The following GRIK3 variants were observed in gnomAD, a reference collection of about 807,000 sequenced individuals.
The protein encoded by GRIK3 is glutamate ionotropic receptor kainate type subunit 3.
A neutral mutation model predicts 102.5 loss-of-function variants in GRIK3; 29 were observed. The ratio of observed to expected loss-of-function variants is 0.28; its 90% CI spans 0.21 to 0.39. The LOEUF (loss-of-function observed/expected upper bound fraction) is 0.39, where lower values mean the gene tolerates loss of function less well. Among genes scored for constraint, GRIK3 ranks in the 10% least tolerant of loss-of-function variants. The probability of loss-of-function intolerance (pLI) is 1.00; values close to 1 mark genes in which losing one functional copy is unlikely to be tolerated. For synonymous variants in GRIK3, 511 were observed against 504.9 expected, an observed-to-expected ratio of 1.01 and a Z score of -0.16; for missense variants, 908 against 1,252.4, an observed-to-expected ratio of 0.73 and a Z score of 4.15.
intron 1 of GRIK3, among the ~76,000 whole-genome samples, chr1:37,004,116 A>T (rs944017163): frequency 6.6e-6 from 1 of 151,926 alleles, no homozygotes; most frequent in African/African-American, 2.4e-5. Context: ...GCCACCTTCT[A>T]AAAAAAACCC....
chr1:36,841,459 G>T (rs1640448064), intron 10 of GRIK3, among the ~76,000 whole-genome samples: 1 of 152,210 alleles, frequency 6.6e-6, no homozygotes, highest in Non-Finnish European at 1.5e-5. Flanking sequence ...GTTCATCAAA[G>T]ATGCCAGTGG....
chr1:36,803,314 G>A (rs1401050130), intron 15 of GRIK3, among the ~76,000 whole-genome samples: 2 of 152,196 alleles, frequency 1.3e-5, no homozygotes, highest in African/African-American at 2.4e-5. Flanking sequence ...GGACTGAACA[G>A]GAGTGGAGCA....
chr1:36,846,902 A>C (rs1640525425), intron 9 of GRIK3, among the ~76,000 whole-genome samples: 2 of 152,214 alleles, frequency 1.3e-5, no homozygotes, highest in Admixed American at 1.3e-4. Context: ...ACTTTCTTGG[A>C]AGCCCATGTA....
chr1:36,991,930 G>A (rs72653515), intron 1 of GRIK3, among the ~76,000 whole-genome samples: 23,383 of 152,204 alleles, frequency 0.15, 1,967 homozygotes, highest in South Asian at 0.22. Flanking sequence ...GGCAGAGCTG[G>A]TGTGGCCAGC....
chr1:36,979,742 A>G (rs1570841452), intron 1 of GRIK3, among the ~76,000 whole-genome samples: 2 of 152,204 alleles, frequency 1.3e-5, no homozygotes, highest in Non-Finnish European at 2.9e-5. Context: ...CATGAGGTGG[A>G]GTCAGGCCAG....
chr1:36,894,956 T>C (rs77951556), intron 1 of GRIK3, among the ~76,000 whole-genome samples: 1 of 151,820 alleles, frequency 6.6e-6, no homozygotes, highest in Non-Finnish European at 1.5e-5. Context: ...CCTGCTGGGG[T>C]TTCATGAGAG....
rs556862896 is a variant in GRIK3 at position 36,877,894 on chromosome 1, C to T, written c.550+2740G>A. On this transcript the variant is annotated intron_variant, in intron 3 of 15. Transcript: ENST00000373091. ...AATGTATATGCCATTTCATTCTTAGCTCTGATGGCCTAGAATTATGTGTGA... is the reference window on the plus strand; with the variant it reads ...AATGTATATGCCATTTCATTCTTAGTTCTGATGGCCTAGAATTATGTGTGA... Among the ~76,000 whole-genome samples, 28 of 152,348 alleles carry T rather than the reference C, an allele frequency of 1.8e-4. No individual in the cohort carries two copies. In the South Asian group the frequency reaches 3.7e-3, roughly 20 times the overall value.
intron 1 of GRIK3, among the ~76,000 whole-genome samples, chr1:36,966,451 G>C (rs1416022657): frequency 6.6e-6 from 1 of 152,174 alleles, no homozygotes; most frequent in Admixed American, 6.5e-5. Flanking sequence ...AGAGATGGCT[G>C]GGAGGTCAGC....
intron 1 of GRIK3, among the ~76,000 whole-genome samples, chr1:37,027,903 C>T (rs1333116527): frequency 1.3e-5 from 2 of 152,100 alleles, no homozygotes; most frequent in South Asian, 2.1e-4. Flanking sequence ...CTCTTGTAGA[C>T]GGAATGGTGG....
intron 1 of GRIK3, among the ~76,000 whole-genome samples, chr1:36,942,923 C>G (rs1641743497): frequency 6.6e-6 from 1 of 152,118 alleles, no homozygotes; most frequent in South Asian, 2.1e-4. Flanking sequence ...GTTTGGGGCT[C>G]ATTGCAGACT....
intron 1 of GRIK3, among the ~76,000 whole-genome samples, chr1:36,949,198 G>T (rs1255357835): frequency 1.3e-5 from 2 of 152,200 alleles, no homozygotes; most frequent in Non-Finnish European, 2.9e-5. Flanking sequence ...ACACAGACCT[G>T]GTTCCTTTCT....
chr1:36,952,970 T>C (rs72919535), intron 1 of GRIK3, among the ~76,000 whole-genome samples: 5,594 of 152,250 alleles, frequency 0.037, 252 homozygotes, highest in African/African-American at 0.11. Context: ...AGAATCAGCA[T>C]CACCATCAGG....
intron 7 of GRIK3, among the ~76,000 whole-genome samples, chr1:36,854,513 C>A (rs1013026802): frequency 6.6e-6 from 1 of 152,122 alleles, no homozygotes. Flanking sequence ...GGAAAAGCTC[C>A]ATCTTCTACA....
chr1:36,832,179 C>G (rs1640310263), intron 10 of GRIK3, among the ~76,000 whole-genome samples: 1 of 152,218 alleles, frequency 6.6e-6, no homozygotes, highest in Admixed American at 6.5e-5. Context: ...TGTTTCCACC[C>G]CCTCAGACCA....
chr1:36,844,903 T>C (rs1371007152), intron 9 of GRIK3, among the ~76,000 whole-genome samples: 3 of 152,186 alleles, frequency 2.0e-5, no homozygotes, highest in South Asian at 2.1e-4. Context: ...GTCCCTGAGA[T>C]AGCTCACTTC....
At chr1:36,842,580 T>C (rs911562373) in intron 9 of GRIK3, among the ~76,000 whole-genome samples, 5 of 152,216 alleles carry the variant, frequency 3.3e-5, no homozygotes, top group African/African-American at 1.2e-4. Flanking sequence ...TCCCCTGTGT[T>C]AGGATCCCAG....
At chr1:36,985,122 T>G (rs1271006486) in intron 1 of GRIK3, among the ~76,000 whole-genome samples, 1 of 151,834 alleles carries the variant, frequency 6.6e-6, no homozygotes, top group Non-Finnish European at 1.5e-5. Flanking sequence ...GGCTCTCAGT[T>G]CTGGGGCAGG....
At position 36,796,094 on chromosome 1, in the gene GRIK3, G is replaced by A. The variant is rs547398836; in HGVS notation, c.*5757C>T. On this transcript the variant is annotated 3_prime_UTR_variant, in exon 16 of 16. Transcript: ENST00000373091. ...AGAGGCAGACCCAGAGTTCAGTGCAGACCAGCCTGACGCCTGAGGCTGAAG... is the reference window on the plus strand; with the variant it reads ...AGAGGCAGACCCAGAGTTCAGTGCAAACCAGCCTGACGCCTGAGGCTGAAG... The A allele has an allele frequency of 2.0e-5, 3 of 152,538 alleles. No individual in the cohort carries two copies. The highest frequency in any genetic ancestry group is 7.2e-5 in the African/African-American group (3 of 41,600). The allele number at this position is 152,538 out of a possible 1,614,324, so 9.4% of individuals were successfully genotyped here. A position where few individuals can be genotyped will look rare whatever the true frequency, so the allele number is the denominator to read the frequency against.
intron 1 of GRIK3, among the ~76,000 whole-genome samples, chr1:37,011,553 T>C (rs1029341248): frequency 7.9e-5 from 12 of 152,324 alleles, no homozygotes; most frequent in East Asian, 3.9e-4. Flanking sequence ...GATTCAAAGA[T>C]AGGCAGTGGC....
Sources: gnomAD v4.1 joint callset for allele counts (sites outside exome capture counted in the v4.1 genomes callset) on GRCh38, gnomAD v4.1.1 for gene constraint, MANE v1.5 for transcripts, NCBI Gene and HGNC (gene_info 2026-07-23, HGNC 2026-07-21) for gene names.